KIAA1217: variants seen among roughly 807,000 people sequenced by gnomAD.
KIAA1217 encodes the protein KIAA1217.
A neutral mutation model predicts 163.9 loss-of-function variants in KIAA1217; 88 were observed. The ratio of observed to expected loss-of-function variants is 0.54; its 90% CI spans 0.45 to 0.64. The LOEUF (loss-of-function observed/expected upper bound fraction) is 0.64. Among genes scored for constraint, KIAA1217 ranks in the 30% least tolerant of loss-of-function variants. The pLI is 0.00. For synonymous variants in KIAA1217, 903 were observed against 923.1 expected (o/e 0.98, Z 0.39); for missense variants, 2,372 against 2,475.0 (o/e 0.96, Z 0.88).
intron 2 of KIAA1217, among the ~76,000 whole-genome samples, chr10:24,234,930 G>T (rs1160898689): frequency 6.6e-6 from 1 of 152,180 alleles, no homozygotes; most frequent in Non-Finnish European, 1.5e-5. Flanking sequence ...GACAGTGGTT[G>T]CTCCAAGTGA....
At chr10:23,703,295 T>G (rs966760935) in intron 1 of KIAA1217, among the ~76,000 whole-genome samples, 2 of 152,096 alleles carry the variant, frequency 1.3e-5, no homozygotes, top group Non-Finnish European at 2.9e-5. Flanking sequence ...AGAGACACTT[T>G]GAGTCTGAAG....
At chr10:24,377,390 C>G (rs374183431) in intron 2 of KIAA1217, among the ~76,000 whole-genome samples, 7 of 152,280 alleles carry the variant, frequency 4.6e-5, no homozygotes, top group Admixed American at 2.0e-4. Context: ...CTGCTTCCTC[C>G]TCAGTTAGGC....
rs533236612 is a variant in KIAA1217 at position 24,124,423 on chromosome 10, A to G, written c.-170-95203A>G. On this transcript the variant is annotated intron_variant, in intron 2 of 18. Coordinates refer to the KIAA1217 transcript ENST00000376462. ...GCTCATTCTTTAGTAACATTTATAT[A>G]TTTTTATTATTTCTTTTTCTCTTAT... is the stretch of plus-strand genomic sequence containing the variant. Among the ~76,000 whole-genome samples the G allele has an allele frequency of 2.0e-4, 31 of 152,168 alleles. No homozygotes were observed. The South Asian group carries it at 5.8e-3, about 29-fold the overall frequency.
At chr10:24,332,000 C>T (rs1661469868) in intron 2 of KIAA1217, among the ~76,000 whole-genome samples, 1 of 152,186 alleles carries the variant, frequency 6.6e-6, no homozygotes, top group Admixed American at 6.5e-5. Flanking sequence ...GGGGTTTCAC[C>T]ATGTTGGCCA....
intron 2 of KIAA1217, among the ~76,000 whole-genome samples, chr10:24,143,784 C>T (rs907770121): frequency 6.8e-6 from 1 of 147,676 alleles, no homozygotes; most frequent in Non-Finnish European, 1.5e-5. Context: ...AGGCTAGCAG[C>T]AAATCTTTTG....
intron 5 of KIAA1217, among the ~76,000 whole-genome samples, chr10:24,450,098 C>T (rs1476154195): frequency 1.3e-5 from 2 of 152,110 alleles, no homozygotes; most frequent in African/African-American, 2.4e-5. Flanking sequence ...GATTTATGTG[C>T]TCTGTGACAA....
At chr10:24,418,981 A>G (rs1354081704) in intron 3 of KIAA1217, among the ~76,000 whole-genome samples, 1 of 152,094 alleles carries the variant, frequency 6.6e-6, no homozygotes, top group African/African-American at 2.4e-5. Context: ...GTTTGAGACC[A>G]TCCTGGCCAA....
At chr10:23,921,503 C>A (rs1842846721) in intron 1 of KIAA1217, among the ~76,000 whole-genome samples, 1 of 152,150 alleles carries the variant, frequency 6.6e-6, no homozygotes, top group Admixed American at 6.5e-5. Flanking sequence ...ATTTTAGGGC[C>A]AGTGCAAGGC....
chr10:24,376,390 T>G (rs1181337029), intron 2 of KIAA1217, among the ~76,000 whole-genome samples: 1 of 152,210 alleles, frequency 6.6e-6, no homozygotes, highest in African/African-American at 2.4e-5. Context: ...ATGAGATACC[T>G]GTGACTCAAC....
chr10:24,309,547 T>C (rs1301375413), intron 2 of KIAA1217, among the ~76,000 whole-genome samples: 2 of 152,180 alleles, frequency 1.3e-5, no homozygotes, highest in African/African-American at 2.4e-5. Flanking sequence ...CTCTGCGTCA[T>C]ACCCTTTTAC....
At chr10:24,120,056 T>C (rs2063219935) in intron 2 of KIAA1217, among the ~76,000 whole-genome samples, 1 of 152,220 alleles carries the variant, frequency 6.6e-6, no homozygotes, top group Non-Finnish European at 1.5e-5. Flanking sequence ...AGAAACATGA[T>C]TCCTATGCGT....
intron 2 of KIAA1217, among the ~76,000 whole-genome samples, chr10:24,007,939 C>G (rs748446120): frequency 2.0e-5 from 3 of 152,100 alleles, no homozygotes; most frequent in African/African-American, 7.2e-5. Flanking sequence ...ACATGAGTGG[C>G]CTTGAGTGTC....
chr10:24,453,776 T>C (rs1056832711), intron 5 of KIAA1217, among the ~76,000 whole-genome samples: 7 of 152,210 alleles, frequency 4.6e-5, no homozygotes, highest in African/African-American at 1.7e-4. Context: ...TGATGTTGTT[T>C]TGAATGAATG....
At chr10:24,135,705 G>A (rs1432656493) in intron 2 of KIAA1217, among the ~76,000 whole-genome samples, 1 of 152,028 alleles carries the variant, frequency 6.6e-6, no homozygotes, top group Non-Finnish European at 1.5e-5. Context: ...CACAGACCTA[G>A]GCCTGAAGGC....
chr10:23,737,364 A>ATTTTTTT (rs1193832069), intron 1 of KIAA1217, among the ~76,000 whole-genome samples: 4 of 126,534 alleles, frequency 3.2e-5, no homozygotes, highest in African/African-American at 1.3e-4. Context: ...ATGCCTAGCT[A>ATTTTTTT]ATTTTTTTTT....
At chr10:24,356,581 T>G (rs1591272517) in intron 2 of KIAA1217, among the ~76,000 whole-genome samples, 1 of 152,114 alleles carries the variant, frequency 6.6e-6, no homozygotes, top group Admixed American at 6.6e-5. Context: ...GTGTTGAGAG[T>G]TGGGACCTAT....
intron 3 of KIAA1217, among the ~76,000 whole-genome samples, chr10:24,432,054 G>GA (rs996471965): frequency 1.4e-5 from 2 of 147,468 alleles, no homozygotes; most frequent in Admixed American, 6.8e-5. Context: ...TGAAAGACAT[G>GA]AAAAAAAATC....
intron 6 of KIAA1217, among the ~76,000 whole-genome samples, chr10:24,487,723 C>A (rs1185209033): frequency 6.6e-6 from 1 of 152,146 alleles, no homozygotes; most frequent in East Asian, 1.9e-4. Flanking sequence ...AGATGAGCCC[C>A]TTTGTTAGGT....
intron 1 of KIAA1217, among the ~76,000 whole-genome samples, chr10:23,915,456 A>T (rs1011799679): frequency 2.0e-5 from 3 of 152,106 alleles, no homozygotes; most frequent in African/African-American, 7.2e-5. Context: ...TTAGGAATAG[A>T]AAAAGGAGAT....
Sources: allele counts gnomAD v4.1 joint callset (sites outside exome capture counted in the v4.1 genomes callset), GRCh38; gene constraint gnomAD v4.1.1; transcripts MANE v1.5; gene names NCBI Gene and HGNC (gene_info 2026-07-23, HGNC 2026-07-21).